Variants in RTL9 observed in about 807,000 individuals in gnomAD.
RTL9 encodes the protein retrotransposon Gag like 9.
RTL9 carries 19 observed loss-of-function variants against 44.7 expected under a neutral mutation model. That is an observed-to-expected ratio of 0.42 (90% confidence interval 0.30 to 0.62). RTL9 has a LOEUF of 0.62. RTL9 is among the 20% of genes least tolerant of loss of function. The pLI, the probability that RTL9 is intolerant of heterozygous loss-of-function variation, is 0.16. For missense variants in RTL9, 1,105 were observed against 1,080.6 expected, an observed-to-expected ratio of 1.02 and a Z score of -0.32; for synonymous variants, 407 against 398.9, an observed-to-expected ratio of 1.02 and a Z score of -0.24.
intron 1 of RTL9, among the ~76,000 whole-genome samples, chrX:110,366,534 G>A (rs1435104715): frequency 2.7e-5 from 3 of 111,549 alleles, no homozygotes; most frequent in Non-Finnish European, 3.8e-5. Flanking sequence ...AAAGTTAAGA[G>A]AACAATTACG....
intron 1 of RTL9, among the ~76,000 whole-genome samples, chrX:110,359,153 T>TGAACCTAGGCA (rs2068246060): frequency 9.0e-6 from 1 of 111,325 alleles, no homozygotes; most frequent in Non-Finnish European, 1.9e-5. Flanking sequence ...AGCCAGGCTT[T>TGAACCTAGGCA]GAACCTAGGC....
At chrX:110,452,363 C>A in exon 1 of RTL9, 3 of 1,211,797 alleles carry the variant, frequency 2.5e-6, no homozygotes, top group Non-Finnish European at 3.3e-6. Context: ...TAATGACAGC[C>A]CAAACCTCTG....
At chrX:110,395,465 C>T (rs1295275296) in intron 1 of RTL9, among the ~76,000 whole-genome samples, 1 of 111,568 alleles carries the variant, frequency 9.0e-6, no homozygotes. Flanking sequence ...CCTGCATTTC[C>T]TTGGTAATCC....
intron 1 of RTL9, among the ~76,000 whole-genome samples, chrX:110,369,134 C>T (rs1156913185): frequency 9.0e-6 from 1 of 111,401 alleles, no homozygotes; most frequent in African/African-American, 3.3e-5. Flanking sequence ...GAATTGAGAC[C>T]ATCCTGGCTA....
upstream of RTL9, among the ~76,000 whole-genome samples, chrX:110,418,768 A>G (rs948624809): frequency 5.4e-5 from 6 of 111,597 alleles, no homozygotes; most frequent in African/African-American, 2.0e-4. Flanking sequence ...TTCTACACTT[A>G]TTCTCATTTC....
intron 1 of RTL9, among the ~76,000 whole-genome samples, chrX:110,364,805 C>T (rs550665169): frequency 1.8e-5 from 2 of 111,615 alleles, no homozygotes; most frequent in African/African-American, 3.3e-5. Flanking sequence ...CTAAGTCTAC[C>T]GAAGAATGTC....
chrX:110,381,385 CA>C (rs1292817373), intron 1 of RTL9, among the ~76,000 whole-genome samples: 1 of 111,927 alleles, frequency 8.9e-6, no homozygotes, highest in Non-Finnish European at 1.9e-5. Flanking sequence ...TACCATCTCA[CA>C]CCAGTCAGAA....
exon 1 of RTL9, chrX:110,452,012 A>G (rs1438921010): frequency 8.3e-7 from 1 of 1,211,817 alleles, no homozygotes; most frequent in Non-Finnish European, 1.1e-6. Flanking sequence ...TAATGTCCGC[A>G]CAGTTAACAA....
At position 110,454,080 on chromosome X, in the gene RTL9, C is replaced by T; in HGVS notation, c.3463C>T (p.Gln1155Ter). Residue 1155 changes from glutamine (Q) to a stop codon, truncating the protein, a stop_gained, in exon 1 of 2, where the codon CAG becomes TAG. Coordinates refer to ENST00000540313, the Ensembl canonical transcript of RTL9. LOFTEE classifies it high-confidence loss of function. ...AGCACTCTGCTACCTCTTAGAAGAG[C>T]AGGAAGCAGCCCGGGGCTCATGCTC... 1 of 1,211,890 alleles carries T rather than the reference C, an allele frequency of 8.3e-7. No homozygotes were observed. The highest frequency in any genetic ancestry group is 1.1e-6 in the Non-Finnish European group (1 of 895,469).
chrX:110,422,045 G>A (rs755462187), intron 1 of RTL9, among the ~76,000 whole-genome samples: 17 of 113,086 alleles, frequency 1.5e-4, no homozygotes, highest in African/African-American at 5.1e-4. Context: ...TTGCCTTATG[G>A]CTGCAGATTC....
upstream of RTL9, among the ~76,000 whole-genome samples, chrX:110,446,540 T>G (rs1292810462): frequency 9.0e-6 from 1 of 111,152 alleles, no homozygotes; most frequent in Non-Finnish European, 1.9e-5. Flanking sequence ...GTTTTTTTCT[T>G]TTCGTATTAT....
At chrX:110,423,888 G>C (rs2068736469) in intron 1 of RTL9, among the ~76,000 whole-genome samples, 1 of 112,482 alleles carries the variant, frequency 8.9e-6, no homozygotes, top group African/African-American at 3.2e-5. Flanking sequence ...ATTTGGAATT[G>C]TCTCTTCCTC....
In RTL9 at chrX:110,366,885, C is replaced by A. The variant is rs933671432; in HGVS notation, c.-168+7969C>A. On this transcript the variant is annotated intron_variant, in intron 1 of 2. Transcript: ENST00000520821. ...CATTTCATCCATTCATTCTTGAATG[C>A]TCCTGGGTGGCTTTTTTACATCTTT... Among the ~76,000 whole-genome samples, 7 of 112,079 alleles carry A rather than the reference C, an allele frequency of 6.2e-5. No individual in the cohort carries two copies. The Admixed American group carries it at 6.6e-4, about 11-fold the overall frequency.
At chrX:110,369,661 C>T (rs2068323932) in intron 1 of RTL9, among the ~76,000 whole-genome samples, 1 of 111,920 alleles carries the variant, frequency 8.9e-6, no homozygotes, top group African/African-American at 3.3e-5. Context: ...AGATCCCTTC[C>T]TGGAGGCAAA....
chrX:110,372,799 A>G (rs1402700017), intron 1 of RTL9, among the ~76,000 whole-genome samples: 1 of 111,636 alleles, frequency 9.0e-6, no homozygotes, highest in African/African-American at 3.3e-5. Flanking sequence ...AGTCACAGCA[A>G]TGAGCATAAA....
At chrX:110,417,159 C>G (rs750219584), upstream of RTL9, among the ~76,000 whole-genome samples, 1 of 112,164 alleles carries the variant, frequency 8.9e-6, no homozygotes, top group African/African-American at 3.2e-5. Context: ...TCTATCCTTA[C>G]CCACTCTGAA....
At chrX:110,360,998 A>G (rs1354680839) in intron 1 of RTL9, among the ~76,000 whole-genome samples, 1 of 111,167 alleles carries the variant, frequency 9.0e-6, no homozygotes, top group African/African-American at 3.3e-5. Context: ...TTTGCTGATG[A>G]GTCACAAATT....
intron 1 of RTL9, among the ~76,000 whole-genome samples, chrX:110,385,682 A>G (rs1263440563): frequency 1.8e-5 from 2 of 111,803 alleles, no homozygotes; most frequent in African/African-American, 3.3e-5. Context: ...TGCAACTTCC[A>G]TTTTAGATTC....
chrX:110,421,775 T>C (rs2068719115), intron 1 of RTL9, among the ~76,000 whole-genome samples: 1 of 112,827 alleles, frequency 8.9e-6, no homozygotes, highest in African/African-American at 3.2e-5. Flanking sequence ...CAGACACCTG[T>C]TCATCCCTCT....
Sources: gnomAD v4.1 joint callset for allele counts (sites outside exome capture counted in the v4.1 genomes callset) on GRCh38, gnomAD v4.1.1 for gene constraint, MANE v1.5 for transcripts, NCBI Gene and HGNC (gene_info 2026-07-23, HGNC 2026-07-21) for gene names.